UBAP2: variants seen among roughly 807,000 people sequenced by gnomAD.
The protein encoded by UBAP2 is ubiquitin associated protein 2, also known as ubiquitin-associated protein 2.
In UBAP2, 75 loss-of-function variants were observed where a neutral mutation model predicts 139.6. That is an observed-to-expected ratio of 0.54 (90% CI 0.45 to 0.65). The LOEUF is 0.65. Among genes scored for constraint, UBAP2 ranks in the 30% least tolerant of loss-of-function variants. The pLI is 0.00. For synonymous variants in UBAP2, 526 were observed against 526.2 expected (o/e 1.00, Z 0.01); for missense variants, 1,368 against 1,369.6 (o/e 1.00, Z 0.02).
chr9:33,935,748 C>T (rs1402710505), intron 17 of UBAP2, 91 bp downstream of exon 17: 1 of 1,467,914 alleles, frequency 6.8e-7, no homozygotes, highest in Non-Finnish European at 9.5e-7. Context: ...AAGCCATTGA[C>T]CAACTGGTGT....
chr9:33,992,933 C>A (rs1010337637), intron 4 of UBAP2, among the ~76,000 whole-genome samples: 1 of 152,170 alleles, frequency 6.6e-6, no homozygotes, highest in Non-Finnish European at 1.5e-5. Context: ...CAGCAGTCTT[C>A]GAAGCCAGCT....
intron 15 of UBAP2, 117 bp downstream of exon 15, chr9:33,943,302 AT>A: frequency 1.0e-6 from 1 of 997,938 alleles, no homozygotes; most frequent in Non-Finnish European, 1.4e-6. Flanking sequence ...TCTTATGGAG[AT>A]GATGGAAGGT....
At chr9:34,002,863 T>G (rs1462746577) in intron 2 of UBAP2, among the ~76,000 whole-genome samples, 1 of 151,750 alleles carries the variant, frequency 6.6e-6, no homozygotes, top group Non-Finnish European at 1.5e-5. Flanking sequence ...TAATGTTTTG[T>G]TTTTAGTACA....
intron 1 of UBAP2, among the ~76,000 whole-genome samples, chr9:34,020,883 C>T (rs1046010487): frequency 6.6e-6 from 1 of 150,866 alleles, no homozygotes; most frequent in Middle Eastern, 3.6e-3. Flanking sequence ...AGGATGGTCG[C>T]GATCTCCTGA....
chr9:33,970,205 A>T (rs778695018), intron 8 of UBAP2, among the ~76,000 whole-genome samples: 2 of 151,704 alleles, frequency 1.3e-5, no homozygotes, highest in Non-Finnish European at 2.9e-5. Context: ...TATCTATATG[A>T]TCCATATCAA....
intron 1 of UBAP2, among the ~76,000 whole-genome samples, chr9:34,026,757 C>G (rs1825432202): frequency 6.6e-6 from 1 of 152,168 alleles, no homozygotes; most frequent in Admixed American, 6.6e-5. Flanking sequence ...AGAGAGGAAA[C>G]TAAGATACAC....
chr9:33,981,207 T>TATATATATATATATTCTGG (rs1284354387), intron 6 of UBAP2, among the ~76,000 whole-genome samples: 2 of 53,150 alleles, frequency 3.8e-5, no homozygotes, highest in African/African-American at 1.5e-4. Context: ...ATATTCTGGA[T>TATATATATATATATTCTGG]ATATATATAT....
Position 33,923,251 on chromosome 9 carries a change from G to A in UBAP2, c.2939C>T (p.Ser980Phe), listed in dbSNP as rs200173680. Residue 980 changes from serine to phenylalanine, a missense_variant, in exon 26 of 29, where the codon TCC (serine) becomes TTC (phenylalanine). Coordinates refer to ENST00000379238, the MANE Select transcript of UBAP2 (RefSeq NM_001370062.2). ...CGATGATCCAGCATAGCCACCTTTG[G>A]AGTAGTCTCCTGCTGCTGTCCCCTG... The part of the protein sequence containing the change: ...LTQGTAAGDY[S>F]KGGYAGSSQA... The A allele has an allele frequency of 1.7e-4, 270 of 1,614,074 alleles. No individual in the cohort carries two copies. Among genetic ancestry groups the A allele is most frequent in the Non-Finnish European group, 2.1e-4 (244 of 1,180,036 alleles).
At chr9:33,954,300 ACG>A (rs1564028812) in intron 11 of UBAP2, among the ~76,000 whole-genome samples, 3 of 150,642 alleles carry the variant, frequency 2.0e-5, no homozygotes, top group Admixed American at 6.6e-5. Context: ...ACACACACAC[ACG>A]CCCATATAAT....
At chr9:33,957,613 C>G (rs997493169) in intron 10 of UBAP2, among the ~76,000 whole-genome samples, 1 of 152,162 alleles carries the variant, frequency 6.6e-6, no homozygotes, top group Non-Finnish European at 1.5e-5. Flanking sequence ...TTTTTTGAAA[C>G]CTCAACTGAC....
chr9:33,968,954 G>A (rs1459163881), intron 8 of UBAP2, among the ~76,000 whole-genome samples: 1 of 152,090 alleles, frequency 6.6e-6, no homozygotes, highest in Non-Finnish European at 1.5e-5. Context: ...TGGTCTTTCT[G>A]TGACTCTGCA....
chr9:33,976,818 G>A (rs1264280668), intron 6 of UBAP2, among the ~76,000 whole-genome samples: 1 of 150,962 alleles, frequency 6.6e-6, no homozygotes, highest in East Asian at 2.0e-4. Context: ...CCAACATGGT[G>A]AAATCCCATC....
chr9:34,037,476 A>T (rs1826538364), intron 1 of UBAP2, among the ~76,000 whole-genome samples: 1 of 152,028 alleles, frequency 6.6e-6, no homozygotes. Context: ...TTGTTGCCTC[A>T]CTCCCACAAA....
At chr9:33,983,125 G>C (rs772012560) in intron 6 of UBAP2, among the ~76,000 whole-genome samples, 13 of 151,894 alleles carry the variant, frequency 8.6e-5, no homozygotes, top group Admixed American at 3.9e-4. Context: ...TGATCTGCTC[G>C]CCTCGGCCTC....
At chr9:33,964,780 T>C (rs1375248868) in intron 8 of UBAP2, among the ~76,000 whole-genome samples, 3 of 152,082 alleles carry the variant, frequency 2.0e-5, no homozygotes, top group East Asian at 1.9e-4. Context: ...TAATATCACA[T>C]ACAGATTTTT....
At chr9:33,930,475 A>G (rs1313088192) in intron 19 of UBAP2, among the ~76,000 whole-genome samples, 3 of 152,196 alleles carry the variant, frequency 2.0e-5, no homozygotes. Context: ...AACAACAACA[A>G]AAAACCCTTA....
rs572574543 is a variant in UBAP2 at position 33,992,651 on chromosome 9, C to A, written c.289-3525G>T. On this transcript the variant is annotated intron_variant, in intron 4 of 28. Transcript: ENST00000379238. ...TATGAGCTCTACAAAGACAACTTATCGGGCGGAGGGGGGGGGGCACAAATA... is the reference window on the plus strand; with the variant it reads ...TATGAGCTCTACAAAGACAACTTATAGGGCGGAGGGGGGGGGGCACAAATA... 2.6e-3 allele frequency among the ~76,000 whole-genome samples: 105 copies of A among 41,138 alleles called. No homozygotes were observed. In the East Asian group the frequency reaches 0.059, roughly 23 times the overall value. 27.0% of individuals were successfully genotyped at this position (41,138 alleles called of 152,430 possible).
At chr9:33,975,432 T>TA (rs770473072) in intron 6 of UBAP2, among the ~76,000 whole-genome samples, 9,188 of 117,218 alleles carry the variant, frequency 0.078, 413 homozygotes, top group Non-Finnish European at 0.12. Context: ...GCTCTATCTT[T>TA]AAAAAAAAAA....
intron 6 of UBAP2, among the ~76,000 whole-genome samples, chr9:33,974,932 A>G (rs1376386180): frequency 4.2e-5 from 6 of 141,366 alleles, no homozygotes; most frequent in Non-Finnish European, 7.7e-5. Context: ...CGTGAGACTA[A>G]AAAAAAAGGG....
Sources: allele counts gnomAD v4.1 joint callset (sites outside exome capture counted in the v4.1 genomes callset), GRCh38; gene constraint gnomAD v4.1.1; transcripts MANE v1.5; gene names NCBI Gene and HGNC (gene_info 2026-07-23, HGNC 2026-07-21).